The following ZNF575 variants were observed in gnomAD, a reference collection of about 807,000 sequenced individuals.
ZNF575 encodes zinc finger protein 575.
In ZNF575, 17 loss-of-function variants were observed where a neutral mutation model predicts 17.5. The ratio of observed to expected loss-of-function variants is 0.97; its 90% CI spans 0.66 to 1.45. The LOEUF (loss-of-function observed/expected upper bound fraction) is 1.45, where lower values mean the gene tolerates loss of function less well. Among genes scored for constraint, ZNF575 ranks in the 40% most tolerant of loss-of-function variants. ZNF575 has a pLI of 0.00. For missense variants in ZNF575, 352 were observed against 359.2 expected, an observed-to-expected ratio of 0.98 and a Z score of 0.16; for synonymous variants, 146 against 158.3, an observed-to-expected ratio of 0.92 and a Z score of 0.58.
upstream of ZNF575, chr19:43,531,999 T>A (rs1972351388): frequency 2.3e-6 from 1 of 438,214 alleles, no homozygotes; most frequent in East Asian, 3.5e-5. Flanking sequence ...CTATGTTGCC[T>A]AGGCTGGGAT....
rs1972405587 is a variant in ZNF575, at chr19:43,535,468, C to CG, written c.520dup (p.Ala174GlyfsTer95). 4 of 1,613,514 alleles carry CG rather than the reference C, an allele frequency of 2.5e-6. No homozygotes were observed. Among genetic ancestry groups the CG allele is most frequent in the Non-Finnish European group, 3.4e-6 (4 of 1,179,826 alleles). The stretch of plus-strand genomic sequence containing the variant: ...ACCGCCACACGCACCACGCCACCGA[C>CG]GCCCGCCCCTATCCTTGCCCGCATT... On this transcript the variant is annotated frameshift_variant, in exon 4 of 4. Transcript: ENST00000314228. LOFTEE classifies it high-confidence loss of function.
intron 3 of ZNF575, 77 bp from the exon 4 acceptor site, chr19:43,534,952 C>A: frequency 1.5e-6 from 2 of 1,307,602 alleles, no homozygotes; most frequent in Non-Finnish European, 2.0e-6. Flanking sequence ...CCACGAATAT[C>A]AAAGTCGTGG....
At chr19:43,531,942 CTTTTTTTTTT>C (rs869122064), upstream of ZNF575, 900 of 107,332 alleles carry the variant, frequency 8.4e-3, 29 homozygotes, top group African/African-American at 0.054. Context: ...TTAAGCCAGA[CTTTTTTTTTT>C]TTTTTTTTTT....
rs769218154 is a variant in ZNF575 at position 43,535,486 on chromosome 19, C to A, written c.537C>A (p.Cys179Ter). Reference sequence around the variant, plus strand: ...CCACCGACGCCCGCCCCTATCCTTGCCCGCATTGCCCCAAGGCTTTCTCAT... The same window carrying A: ...CCACCGACGCCCGCCCCTATCCTTGACCGCATTGCCCCAAGGCTTTCTCAT... ...HHATDARPYP[C>*]PHCPKAFSFP... Residue 179 changes from cysteine (C) to a stop codon, truncating the protein, a stop_gained, in exon 4 of 4, where the codon TGC (cysteine) becomes TGA (stop). Transcript: ENST00000314228. LOFTEE classifies it high-confidence loss of function. 1.9e-6 allele frequency: 3 copies of A among 1,613,792 alleles called. No individual in the cohort carries two copies. Among genetic ancestry groups the A allele is most frequent in the South Asian group, 2.2e-5 (2 of 91,076 alleles).
At chr19:43,531,941 ACTTTTT>A, upstream of ZNF575, 1 of 173,048 alleles carries the variant, frequency 5.8e-6, no homozygotes, top group South Asian at 8.2e-5. Context: ...ATTAAGCCAG[ACTTTTT>A]TTTTTTTTTT....
upstream of ZNF575, chr19:43,531,765 T>G (rs1188238783): frequency 1.5e-6 from 1 of 651,442 alleles, no homozygotes; most frequent in African/African-American, 1.8e-5. Context: ...ACAATACTGG[T>G]CATGAGTGAA....
chr19:43,534,474 A>C lies in ZNF575; in HGVS notation c.52A>C (p.Thr18Pro). 2 of 1,496,694 alleles carry C rather than the reference A, an allele frequency of 1.3e-6. No homozygotes were observed. The highest frequency in any genetic ancestry group is 1.4e-5 in the African/African-American group (1 of 70,462). The allele number at this position is 1,496,694 out of a possible 1,614,324, so 92.7% of individuals were successfully genotyped here. ...GGCCGGGGCTACCGATCCTAGTCCC[A>C]CTGGCAAGGAACCAGTGACCAAAGA... ...SAAGATDPSP[T>P]GKEPVTKEAP... Residue 18 changes from threonine to proline, a missense_variant, in exon 3 of 4, where the codon ACT becomes CCT. By Grantham distance (38) the Thr-to-Pro change is conservative. Transcript: ENST00000314228.
At chr19:43,531,942 C>CT (rs869122064), upstream of ZNF575, 2,078 of 107,142 alleles carry the variant, frequency 0.019, 69 homozygotes, top group African/African-American at 0.033. Flanking sequence ...TTAAGCCAGA[C>CT]TTTTTTTTTT....
Position 43,535,472 on chromosome 19 carries a change from C to T in ZNF575, c.523C>T (p.Arg175Cys), listed in dbSNP as rs1430050737. 3 of 1,613,614 alleles carry T rather than the reference C, an allele frequency of 1.9e-6. No individual in the cohort carries two copies. Among genetic ancestry groups the T allele is most frequent in the Non-Finnish European group, 2.5e-6 (3 of 1,179,866 alleles). ...HRHTHHATDA[R>C]PYPCPHCPKA... ...CCACACGCACCACGCCACCGACGCC[C>T]GCCCCTATCCTTGCCCGCATTGCCC... Residue 175 changes from arginine (R) to cysteine (C), a missense_variant, in exon 4 of 4, where the codon CGC (arginine) becomes TGC (cysteine). By Grantham distance (180) the Arg-to-Cys change is radical (BLOSUM62 -3). Coordinates refer to ENST00000314228, the MANE Select transcript of ZNF575 (RefSeq NM_174945.3).
chr19:43,535,143 G>T lies in ZNF575; in HGVS notation c.194G>T (p.Cys65Phe). 6.3e-7 allele frequency: 1 copy of T among 1,581,094 alleles called. No homozygotes were observed. Residue 65 changes from cysteine to phenylalanine, a missense_variant, in exon 4 of 4, where the codon TGC (cysteine) becomes TTC (phenylalanine). Coordinates refer to ENST00000314228, the MANE Select transcript of ZNF575 (RefSeq NM_174945.3). ...RRPPPQRPHR[C>F]PDCDKAFSYP... is the part of the protein sequence containing the mutation. ...CCCCCGCCCCAGCGCCCGCACCGCTGCCCCGACTGTGACAAGGCCTTCTCG... is the reference window on the plus strand; with the variant it reads ...CCCCCGCCCCAGCGCCCGCACCGCTTCCCCGACTGTGACAAGGCCTTCTCG...
upstream of ZNF575, chr19:43,531,889 C>G (rs1048984366): frequency 7.6e-6 from 5 of 660,980 alleles, no homozygotes; most frequent in South Asian, 6.5e-5. Flanking sequence ...GGGTGAGTCC[C>G]CACTCCCTAC....
chr19:43,532,613 TC>T (rs1484845708), upstream of ZNF575, among the ~76,000 whole-genome samples: 1 of 152,014 alleles, frequency 6.6e-6, no homozygotes, highest in Non-Finnish European at 1.5e-5. Flanking sequence ...CCCGCCAAAC[TC>T]CCAGGGATCG....
rs759350567 is a variant in ZNF575 at position 43,535,423 on chromosome 19, C to T, written c.474C>T (p.Tyr158=). The T allele has an allele frequency of 4.5e-6, 7 of 1,571,568 alleles. No homozygotes were observed. The highest frequency in any genetic ancestry group is 1.7e-5 in the Admixed American group (1 of 57,634). The change falls in exon 4 of 4, where the codon TAC becomes TAT. Residue 158 remains tyrosine, a synonymous_variant. Transcript: ENST00000314228. ...CCGACTGCCCCAAGTCCTTCTGCTACCCTTCCAAGCTGGCGGCCCACCGCC... is the reference window on the plus strand; with the variant it reads ...CCGACTGCCCCAAGTCCTTCTGCTATCCTTCCAAGCTGGCGGCCCACCGCC... The part of the protein sequence containing the change: ...PCPDCPKSFC[Y]PSKLAAHRHT...
Position 43,535,912 on chromosome 19 carries a change from G to T in ZNF575, c.*225G>T, listed in dbSNP as rs138157595. On this transcript the variant is annotated 3_prime_UTR_variant, in exon 4 of 4. Coordinates refer to ENST00000314228, the MANE Select transcript of ZNF575 (RefSeq NM_174945.3). ...GGACGTGGAGCTGTGGTTTGACAGC[G>T]CTGGCTCTGCTTCTCCCCACACACT... 4.5e-5 allele frequency: 26 copies of T among 580,762 alleles called. No individual in the cohort carries two copies. In the East Asian group the frequency reaches 6.9e-4, roughly 15 times the overall value. The allele number at this position is 580,762 out of a possible 1,614,324, so 36.0% of individuals were successfully genotyped here.
chr19:43,535,118 C>A lies in ZNF575; in HGVS notation c.169C>A (p.Pro57Thr), dbSNP rs1252431713. ...CTCGCCTCCCCGGCCTCGCCGGCGG[C>A]CCCCGCCCCAGCGCCCGCACCGCTG... ...AGSPPRPRRR[P>T]PPQRPHRCPD... Residue 57 changes from proline to threonine, a missense_variant, in exon 4 of 4, where the codon CCC becomes ACC. Coordinates refer to ENST00000314228, the MANE Select transcript of ZNF575 (RefSeq NM_174945.3). 2.0e-6 allele frequency: 3 copies of A among 1,536,326 alleles called. No individual in the cohort carries two copies. The highest frequency in any genetic ancestry group is 4.1e-5 in the Admixed American group (2 of 48,350).
chr19:43,534,098 C>G, intron 2 of ZNF575, 196 bp downstream of exon 2: 1 of 421,684 alleles, frequency 2.4e-6, no homozygotes, highest in East Asian at 4.9e-5. Flanking sequence ...GCCCACTCTG[C>G]GCATAGGCCC....
Position 43,535,202 on chromosome 19 carries a change from C to G in ZNF575, c.253C>G (p.His85Asp), listed in dbSNP as rs1390547291. The G allele has an allele frequency of 6.2e-7, 1 of 1,610,716 alleles. No individual in the cohort carries two copies. Residue 85 changes from histidine to aspartate, a missense_variant, in exon 4 of 4, where the codon CAC (histidine) becomes GAC (aspartate). By Grantham distance (81) the His-to-Asp change is moderately conservative (BLOSUM62 -1). Coordinates refer to ENST00000314228, the MANE Select transcript of ZNF575 (RefSeq NM_174945.3). ...CAAGCTGGCCACGCACCGCTTAGCA[C>G]ACGGAGGCGCCCGACCCCACCCATG... The part of the protein sequence containing the change: ...PSKLATHRLA[H>D]GGARPHPCPD...
At position 43,535,765 on chromosome 19, in the gene ZNF575, G is replaced by A. The variant is rs1168849537; in HGVS notation, c.*78G>A. On this transcript the variant is annotated 3_prime_UTR_variant, in exon 4 of 4. Transcript: ENST00000314228. ...GTGGGATTTCTAAGACCGACTGTAT[G>A]AGCTCGCCTCTTCCAGATAGCTGGC... 6.9e-7 allele frequency: 1 copy of A among 1,449,596 alleles called. No individual in the cohort carries two copies. The highest frequency in any genetic ancestry group is 1.4e-5 in the African/African-American group (1 of 70,482). The allele number at this position is 1,449,596 out of a possible 1,614,324, so 89.8% of individuals were successfully genotyped here.
rs1207964774 is a variant in ZNF575, at chr19:43,535,171, C to T, written c.222C>T (p.Tyr74=). 6.2e-7 allele frequency: 1 copy of T among 1,605,858 alleles called. No individual in the cohort carries two copies. Among genetic ancestry groups the T allele is most frequent in the Middle Eastern group, 1.7e-4 (1 of 6,046 alleles). ...CCGACTGTGACAAGGCCTTCTCGTA[C>T]CCGTCCAAGCTGGCCACGCACCGCT... is the stretch of plus-strand genomic sequence containing the variant. The part of the protein sequence containing the change: ...RCPDCDKAFS[Y]PSKLATHRLA... Residue 74 remains tyrosine (Y), a synonymous_variant, in exon 4 of 4, where the codon TAC becomes TAT. Transcript: ENST00000314228.
Sources: gnomAD v4.1 joint callset for allele counts (sites outside exome capture counted in the v4.1 genomes callset) on GRCh38, gnomAD v4.1.1 for gene constraint, MANE v1.5 for transcripts, NCBI Gene and HGNC (gene_info 2026-07-23, HGNC 2026-07-21) for gene names.